FCRL3: variants seen among roughly 807,000 people sequenced by gnomAD.
FCRL3 encodes the protein Fc receptor like 3.
A neutral mutation model predicts 75.0 loss-of-function variants in FCRL3; 89 were observed. The ratio of observed to expected loss-of-function variants is 1.19; its 90% CI spans 1.00 to 1.42. The LOEUF (loss-of-function observed/expected upper bound fraction) is 1.42, where lower values mean the gene tolerates loss of function less well. Among genes scored for constraint, FCRL3 ranks in the 40% most tolerant of loss-of-function variants. The pLI is 0.00. For missense variants in FCRL3, 946 were observed against 880.0 expected (o/e 1.07, Z -0.95); for synonymous variants, 376 against 348.5 (o/e 1.08, Z -0.88).
chr1:157,684,468 C>T (rs1353519888), intron 10 of FCRL3, among the ~76,000 whole-genome samples: 1 of 152,104 alleles, frequency 6.6e-6, no homozygotes, highest in Admixed American at 6.5e-5. Context: ...AATCACAATC[C>T]ACATCAGTCA....
rs1359572369 is a variant in FCRL3 at position 157,677,574 on chromosome 1, C to A, written c.*1136G>T. The A allele has an allele frequency of 3.0e-6, 3 of 985,374 alleles. No individual in the cohort carries two copies. The highest frequency in any genetic ancestry group is 2.3e-4 in the East Asian group (2 of 8,824). 61.0% of individuals were successfully genotyped at this position (985,374 alleles called of 1,614,324 possible). A position where few individuals can be genotyped will look rare whatever the true frequency, so the allele number is the denominator to read the frequency against. ...TTTTTGTCATATTAAAAATTCAACACACTGTGGAAAGAGTTTTTGATGGTG... is the reference window on the plus strand; with the variant it reads ...TTTTTGTCATATTAAAAATTCAACAAACTGTGGAAAGAGTTTTTGATGGTG... On this transcript the variant is annotated 3_prime_UTR_variant, in exon 15 of 15. Transcript: ENST00000368184.
At position 157,697,984 on chromosome 1, in the gene FCRL3, A is replaced by G. The variant is rs1307173492; in HGVS notation, c.299-65T>C. 1.9e-6 allele frequency: 3 copies of G among 1,546,362 alleles called. No homozygotes were observed. The East Asian group carries it at 7.0e-5, about 36-fold the overall frequency. On this transcript the variant is annotated intron_variant, in intron 4 of 14. Coordinates refer to ENST00000368184, the MANE Select transcript of FCRL3 (RefSeq NM_052939.4). ...TGTTTCTGCCTTCACTTTCATTTCC[A>G]CCCATGAGGCAAGAGCCACAGTTCT...
chr1:157,690,656 G>T, intron 8 of FCRL3, 123 bp from the exon 9 acceptor site: 3 of 1,217,542 alleles, frequency 2.5e-6, no homozygotes, highest in Non-Finnish European at 2.3e-6. Flanking sequence ...GAGAACCTGG[G>T]CTTCAATCCT....
chr1:157,690,633 C>T, intron 8 of FCRL3, 100 bp from the exon 9 acceptor site: 1 of 1,432,580 alleles, frequency 7.0e-7, no homozygotes. Context: ...CGGGAACATG[C>T]ACCTGGATTC....
At chr1:157,692,551 T>C (rs2101613540) in intron 8 of FCRL3, among the ~76,000 whole-genome samples, 1 of 152,360 alleles carries the variant, frequency 6.6e-6, no homozygotes. Context: ...ATAAAAGATT[T>C]ACAATGCTTT....
At chr1:157,692,090 G>C (rs111830495) in intron 8 of FCRL3, 1 of 152,170 alleles carries the variant, frequency 6.6e-6, no homozygotes. Flanking sequence ...ACCCAGGCAC[G>C]GAGGGTGGGA....
Position 157,678,839 on chromosome 1 carries a change from A to G in FCRL3, c.2076T>C (p.Tyr692=). ...CTGGGTGTGTCTTCTTCAGTTCTGA[A>G]TAGAGGACTGTAAGTTCCTGGTAGA... The part of the protein sequence containing the change: ...HQEHEELTVL[Y]SELKKTHPDD... Residue 692 remains tyrosine, a synonymous_variant, in exon 15 of 15, where the codon TAT becomes TAC. Coordinates refer to ENST00000368184, the MANE Select transcript of FCRL3 (RefSeq NM_052939.4). 1 of 1,614,032 alleles carries G rather than the reference A, an allele frequency of 6.2e-7. No individual in the cohort carries two copies. Among genetic ancestry groups the G allele is most frequent in the African/African-American group, 1.3e-5 (1 of 75,016 alleles).
At chr1:157,695,157 C>T (rs80144074) in intron 8 of FCRL3, among the ~76,000 whole-genome samples, 172 bp downstream of exon 8, 1 of 152,122 alleles carries the variant, frequency 6.6e-6, no homozygotes. Flanking sequence ...AAGGAATGGT[C>T]TAAGTTACTA....
intron 4 of FCRL3, 157 bp from the exon 5 acceptor site, chr1:157,698,076 C>T: frequency 1.2e-6 from 1 of 845,814 alleles, no homozygotes. Context: ...TCTTCCTTGC[C>T]CTACAAGGGT....
In FCRL3 at chr1:157,678,743, A is replaced by G. The variant is rs142242973; in HGVS notation, c.2172T>C (p.Asn724=). The G allele has an allele frequency of 1.0e-4, 165 of 1,613,914 alleles. No individual in the cohort carries two copies. Among genetic ancestry groups the G allele is most frequent in the Non-Finnish European group, 1.3e-4 (155 of 1,180,004 alleles). The change falls in exon 15 of 15, where the codon AAT becomes AAC. Residue 724 remains asparagine, a synonymous_variant. Coordinates refer to ENST00000368184, the MANE Select transcript of FCRL3 (RefSeq NM_052939.4). ...HEEDDEENYE[N]VPRVLLASDH ...CTGAGGCCAGTAATACACGTGGTAC[A>G]TTCTCATAGTTTTCTTCATCATCTT...
chr1:157,678,568 G>A lies in FCRL3; in HGVS notation c.*142C>T, dbSNP rs1654610596. ...CACAGATCAGGCACAGGGGAGATTTGCAGACCTTTTGCTCAGCCTCACATA... is the reference window on the plus strand; with the variant it reads ...CACAGATCAGGCACAGGGGAGATTTACAGACCTTTTGCTCAGCCTCACATA... On this transcript the variant is annotated 3_prime_UTR_variant, in exon 15 of 15. Transcript: ENST00000368184. 6.7e-7 allele frequency: 1 copy of A among 1,501,438 alleles called. No homozygotes were observed. Among genetic ancestry groups the A allele is most frequent in the Admixed American group, 2.2e-5 (1 of 44,498 alleles). 93.0% of individuals were successfully genotyped at this position (1,501,438 alleles called of 1,614,324 possible). A position where few individuals can be genotyped will look rare whatever the true frequency, so the allele number is the denominator to read the frequency against.
intron 8 of FCRL3, among the ~76,000 whole-genome samples, chr1:157,693,319 C>T (rs1351426616): frequency 1.3e-5 from 2 of 150,982 alleles, no homozygotes; most frequent in Admixed American, 6.6e-5. Flanking sequence ...GCAGCACTTC[C>T]TACTTACTTT....
intron 6 of FCRL3, 197 bp downstream of exon 6, chr1:157,696,943 A>T (rs1571216320): frequency 4.7e-6 from 2 of 425,066 alleles, no homozygotes; most frequent in East Asian, 7.3e-5. Flanking sequence ...TAACTGATCA[A>T]TAATTACTAT....
In FCRL3 at chr1:157,678,086, A is replaced by T; in HGVS notation, c.*624T>A. 2.0e-6 allele frequency: 2 copies of T among 985,900 alleles called. No homozygotes were observed. Among genetic ancestry groups the T allele is most frequent in the Non-Finnish European group, 2.4e-6 (2 of 830,296 alleles). 61.1% of individuals were successfully genotyped at this position (985,900 alleles called of 1,614,324 possible). On this transcript the variant is annotated 3_prime_UTR_variant, in exon 15 of 15. Transcript: ENST00000368184. ...TCTTTGCAGTGGGGATACAAGTCAC[A>T]TATTAAACTAGCAGAGTCTTTAATG...
Position 157,688,144 on chromosome 1 carries a change from A to T in FCRL3, c.1810+1654T>A, listed in dbSNP as rs144570023. ...TCTAAACACCTCATTTTAAAGGCAG[A>T]CTACAATATTAAACTAAACAAAACC... On this transcript the variant is annotated intron_variant, in intron 10 of 14. Coordinates refer to ENST00000368184, the MANE Select transcript of FCRL3 (RefSeq NM_052939.4). 7.7e-3 allele frequency among the ~76,000 whole-genome samples: 1,172 copies of T among 152,224 alleles called. 10 individuals are homozygous for T. The highest frequency in any genetic ancestry group is 0.027 in the African/African-American group (1,107 of 41,544).
intron 7 of FCRL3, 114 bp from the exon 8 acceptor site, chr1:157,695,721 C>G (rs1655843511): frequency 2.5e-6 from 3 of 1,213,162 alleles, no homozygotes; most frequent in East Asian, 5.0e-5. Context: ...TTCTGTTTCC[C>G]CACTGATCAC....
Position 157,677,907 on chromosome 1 carries a change from G to A in FCRL3, c.*803C>T. The A allele has an allele frequency of 1.0e-6, 1 of 962,836 alleles. No individual in the cohort carries two copies. Among genetic ancestry groups the A allele is most frequent in the Non-Finnish European group, 1.2e-6 (1 of 809,786 alleles). 59.6% of individuals were successfully genotyped at this position (962,836 alleles called of 1,614,324 possible). ...GGAGTGAGGTAGAGGAAGAGAATGGGAGAAGCCACATAGATATAGTAGGTT... is the reference window on the plus strand; with the variant it reads ...GGAGTGAGGTAGAGGAAGAGAATGGAAGAAGCCACATAGATATAGTAGGTT... On this transcript the variant is annotated 3_prime_UTR_variant, in exon 15 of 15. Transcript: ENST00000368184.
rs1205194409 is a variant in FCRL3, at chr1:157,678,033, C to G, written c.*677G>C. The stretch of plus-strand genomic sequence containing the variant: ...AGACTATGTCATGAAGCAAAAATTA[C>G]AATTAATGTGATTCTTCACACATAA... On this transcript the variant is annotated 3_prime_UTR_variant, in exon 15 of 15. Transcript: ENST00000368184. 1.0e-6 allele frequency: 1 copy of G among 985,250 alleles called. No individual in the cohort carries two copies. The highest frequency in any genetic ancestry group is 1.2e-6 in the Non-Finnish European group (1 of 829,948). The allele number at this position is 985,250 out of a possible 1,614,324, so 61.0% of individuals were successfully genotyped here. A position where few individuals can be genotyped will look rare whatever the true frequency, so the allele number is the denominator to read the frequency against.
Position 157,678,493 on chromosome 1 carries a change from A to T in FCRL3, c.*217T>A. 1 of 1,401,386 alleles carries T rather than the reference A, an allele frequency of 7.1e-7. No individual in the cohort carries two copies. The highest frequency in any genetic ancestry group is 9.3e-7 in the Non-Finnish European group (1 of 1,079,466). 86.8% of individuals were successfully genotyped at this position (1,401,386 alleles called of 1,614,324 possible). A position where few individuals can be genotyped will look rare whatever the true frequency, so the allele number is the denominator to read the frequency against. On this transcript the variant is annotated 3_prime_UTR_variant, in exon 15 of 15. Transcript: ENST00000368184. ...GCCTTGCCACGTGTCTCCACTGTGA[A>T]AATAACACAGTGCTTGCTCAGAGGC... is the stretch of plus-strand genomic sequence containing the variant.
Sources: gnomAD v4.1 joint callset for allele counts (sites outside exome capture counted in the v4.1 genomes callset) on GRCh38, gnomAD v4.1.1 for gene constraint, MANE v1.5 for transcripts, NCBI Gene and HGNC (gene_info 2026-07-23, HGNC 2026-07-21) for gene names.